The following TP63 variants were observed in gnomAD, a reference collection of about 807,000 sequenced individuals.
TP63 encodes tumor protein 63.
In TP63, 17 loss-of-function variants were observed where a neutral mutation model predicts 82.8. The observed-to-expected ratio is 0.21, with a 90% CI of 0.14 to 0.31. TP63 has a LOEUF of 0.31. TP63 is among the 10% of genes least tolerant of loss of function. The probability of loss-of-function intolerance (pLI) is 1.00; values close to 1 mark genes in which losing one functional copy is unlikely to be tolerated. For missense variants in TP63, 648 were observed against 895.3 expected, an observed-to-expected ratio of 0.72 and a Z score of 3.52; for synonymous variants, 330 against 321.7, an observed-to-expected ratio of 1.03 and a Z score of -0.28.
intron 1 of TP63, among the ~76,000 whole-genome samples, chr3:189,663,393 G>C (rs1378177736): frequency 6.6e-6 from 1 of 151,984 alleles, no homozygotes; most frequent in African/African-American, 2.4e-5. Context: ...GCATCTTATA[G>C]AATCATTTAA....
intron 1 of TP63, among the ~76,000 whole-genome samples, chr3:189,671,303 A>T (rs927011236): frequency 6.6e-6 from 1 of 152,174 alleles, no homozygotes; most frequent in African/African-American, 2.4e-5. Context: ...ATCACTAATC[A>T]TCAGGGAAAT....
intron 4 of TP63, among the ~76,000 whole-genome samples, chr3:189,819,755 T>TTC (rs1728596205): frequency 1.0e-5 from 1 of 99,532 alleles, no homozygotes; most frequent in African/African-American, 3.1e-5. Flanking sequence ...ACCTTTTTTT[T>TTC]TTTTTTTTTT....
At chr3:189,886,960 G>A (rs2108855526) in intron 11 of TP63, among the ~76,000 whole-genome samples, 1 of 152,266 alleles carries the variant, frequency 6.6e-6, no homozygotes, top group African/African-American at 2.4e-5. Context: ...TGCAATCCTA[G>A]CACTTTGGGA....
chr3:189,660,686 A>G (rs959557273), intron 1 of TP63, among the ~76,000 whole-genome samples: 13 of 152,000 alleles, frequency 8.6e-5, no homozygotes, highest in African/African-American at 3.1e-4. Flanking sequence ...GATTCTTCCA[A>G]TCCATGAGCA....
intron 3 of TP63, among the ~76,000 whole-genome samples, chr3:189,746,992 A>G (rs1310812498): frequency 2.0e-5 from 3 of 151,850 alleles, no homozygotes; most frequent in Non-Finnish European, 4.4e-5. Context: ...TTAAGGGAAA[A>G]AAAAAAAGAA....
intron 3 of TP63, among the ~76,000 whole-genome samples, chr3:189,747,144 C>T (rs1284541891): frequency 6.6e-6 from 1 of 151,964 alleles, no homozygotes; most frequent in Non-Finnish European, 1.5e-5. Context: ...GACTTCAGTA[C>T]AGTAATAGTT....
At chr3:189,887,855 G>T (rs1004964219) in intron 11 of TP63, among the ~76,000 whole-genome samples, 48 of 72,426 alleles carry the variant, frequency 6.6e-4, no homozygotes, top group African/African-American at 2.3e-3. Context: ...TCATTGTTTT[G>T]GTTTTTTTTT....
chr3:189,630,154 T>G (rs1729407462), upstream of TP63, among the ~76,000 whole-genome samples: 1 of 152,200 alleles, frequency 6.6e-6, no homozygotes, highest in South Asian at 2.1e-4. Flanking sequence ...CAGGGAAATG[T>G]CAAATTTCTC....
At chr3:189,792,983 T>C (rs1440283963) in intron 3 of TP63, among the ~76,000 whole-genome samples, 1 of 152,190 alleles carries the variant, frequency 6.6e-6, no homozygotes, top group East Asian at 1.9e-4. Context: ...TTAATAAATG[T>C]ATTAAGCTGT....
At chr3:189,884,843 G>A (rs1156397346) in intron 10 of TP63, among the ~76,000 whole-genome samples, 3 of 152,142 alleles carry the variant, frequency 2.0e-5, no homozygotes, top group African/African-American at 4.8e-5. Flanking sequence ...ATCTAGCTGT[G>A]GCTCTCCATT....
intron 3 of TP63, among the ~76,000 whole-genome samples, chr3:189,746,451 C>T (rs1268745156): frequency 2.7e-5 from 4 of 150,802 alleles, no homozygotes; most frequent in Non-Finnish European, 3.0e-5. Flanking sequence ...GGATATTTAC[C>T]GTCAAGAAAA....
chr3:189,837,613 A>C (rs1286076095), intron 4 of TP63, among the ~76,000 whole-genome samples: 1 of 151,204 alleles, frequency 6.6e-6, no homozygotes, highest in African/African-American at 2.4e-5. Flanking sequence ...AATGTTTAGC[A>C]TAAGGGAATC....
At chr3:189,821,460 G>T (rs1267943463) in intron 4 of TP63, among the ~76,000 whole-genome samples, 1 of 152,144 alleles carries the variant, frequency 6.6e-6, no homozygotes, top group African/African-American at 2.4e-5. Context: ...TTTTGTCACT[G>T]GTCTCAATAG....
chr3:189,708,883 T>G (rs4687087), intron 1 of TP63, among the ~76,000 whole-genome samples: 1 of 152,062 alleles, frequency 6.6e-6, no homozygotes, highest in African/African-American at 2.4e-5. Flanking sequence ...CTCAGAGACA[T>G]TGCTGGAACA....
At chr3:189,765,497 G>A (rs74344126) in intron 3 of TP63, among the ~76,000 whole-genome samples, 2,421 of 121,694 alleles carry the variant, frequency 0.02, 76 homozygotes, top group African/African-American at 0.071. Context: ...GTGCAGTGGG[G>A]GGATCTTGGC....
intron 4 of TP63, among the ~76,000 whole-genome samples, chr3:189,839,053 A>G (rs967966265): frequency 2.7e-5 from 4 of 148,770 alleles, no homozygotes; most frequent in African/African-American, 4.9e-5. Context: ...AAAAAAAAAA[A>G]AAAAAAAAAA....
intron 4 of TP63, among the ~76,000 whole-genome samples, chr3:189,857,687 A>G (rs1370793733): frequency 2.0e-5 from 3 of 152,212 alleles, no homozygotes; most frequent in African/African-American, 7.2e-5. Flanking sequence ...AAAATAACCC[A>G]ATTAAAAAAT....
At chr3:189,631,916 T>C (rs545223077) in intron 1 of TP63, among the ~76,000 whole-genome samples, 13 of 152,274 alleles carry the variant, frequency 8.5e-5, no homozygotes, top group African/African-American at 3.1e-4. Context: ...TAATAATGTA[T>C]GGATAATCTT....
At chr3:189,830,121 T>C (rs1577054267) in intron 4 of TP63, 1 of 178,492 alleles carries the variant, frequency 5.6e-6, no homozygotes, top group East Asian at 1.9e-4. Flanking sequence ...TGAGAGAGCA[T>C]TGGACTGTTG....
Sources: gnomAD v4.1 joint callset for allele counts (sites outside exome capture counted in the v4.1 genomes callset) on GRCh38, gnomAD v4.1.1 for gene constraint, MANE v1.5 for transcripts, NCBI Gene and HGNC (gene_info 2026-07-23, HGNC 2026-07-21) for gene names.